Variants in CAMK1D observed in about 807,000 individuals in gnomAD.
CAMK1D encodes calcium/calmodulin dependent protein kinase ID.
In CAMK1D, 9 loss-of-function variants were observed where a neutral mutation model predicts 47.7. That is an observed-to-expected ratio of 0.19 (90% confidence interval 0.11 to 0.33). The LOEUF (loss-of-function observed/expected upper bound fraction) is 0.33. CAMK1D is among the 10% of genes least tolerant of loss of function. CAMK1D has a pLI of 1.00. For synonymous variants in CAMK1D, 184 were observed against 184.9 expected (o/e 0.99, Z 0.04); for missense variants, 291 against 488.7 (o/e 0.60, Z 3.81).
chr10:12,563,700 G>GA (rs1564414542), intron 2 of CAMK1D, among the ~76,000 whole-genome samples: 1,213 of 85,118 alleles, frequency 0.014, 9 homozygotes, highest in South Asian at 0.03. Flanking sequence ...AGAGAGAGAG[G>GA]GAGAGAGAGG....
chr10:12,774,808 C>T (rs541172191), intron 5 of CAMK1D, among the ~76,000 whole-genome samples: 60 of 152,350 alleles, frequency 3.9e-4, no homozygotes, highest in Non-Finnish European at 7.3e-4. Context: ...ATTTAGGTTG[C>T]GCGCTCCTTT....
chr10:12,580,597 A>G (rs1444859579), intron 2 of CAMK1D, among the ~76,000 whole-genome samples: 1 of 152,172 alleles, frequency 6.6e-6, no homozygotes, highest in Non-Finnish European at 1.5e-5. Flanking sequence ...AATGGAATGT[A>G]AATCATAAAA....
chr10:12,471,100 T>C (rs1341274283), intron 1 of CAMK1D, among the ~76,000 whole-genome samples: 1 of 152,202 alleles, frequency 6.6e-6, no homozygotes, highest in East Asian at 1.9e-4. Context: ...TAGTTCTACT[T>C]TCTTGTGTGC....
At chr10:12,648,787 C>T (rs1335220775) in intron 2 of CAMK1D, among the ~76,000 whole-genome samples, 1 of 152,144 alleles carries the variant, frequency 6.6e-6, no homozygotes, top group African/African-American at 2.4e-5. Flanking sequence ...TTTATTTAAT[C>T]TTCACTTCAA....
intron 1 of CAMK1D, among the ~76,000 whole-genome samples, chr10:12,487,075 C>T (rs895820679): frequency 3.3e-5 from 5 of 152,148 alleles, no homozygotes; most frequent in African/African-American, 1.2e-4. Context: ...TATAGGTAAA[C>T]TCATGTCATG....
intron 2 of CAMK1D, among the ~76,000 whole-genome samples, chr10:12,580,444 C>T (rs1056841460): frequency 1.3e-5 from 2 of 150,022 alleles, no homozygotes; most frequent in Admixed American, 1.3e-4. Context: ...AAGCTAGTGA[C>T]TCTGCAATTG....
At chr10:12,614,809 C>T (rs1187583764) in intron 2 of CAMK1D, among the ~76,000 whole-genome samples, 2 of 152,172 alleles carry the variant, frequency 1.3e-5, no homozygotes, top group Admixed American at 1.3e-4. Flanking sequence ...TACTGGGAAT[C>T]GGATGTGTCT....
chr10:12,635,045 C>T (rs542963197), intron 2 of CAMK1D, among the ~76,000 whole-genome samples: 22 of 152,070 alleles, frequency 1.4e-4, no homozygotes, highest in South Asian at 4.2e-4. Context: ...TTTGATGGGG[C>T]GTATGTTGGA....
intron 1 of CAMK1D, among the ~76,000 whole-genome samples, chr10:12,374,936 C>A (rs1031864819): frequency 7.9e-6 from 1 of 126,652 alleles, no homozygotes; most frequent in African/African-American, 3.0e-5. Flanking sequence ...GGGTAAGACT[C>A]CGTCTCAAAA....
chr10:12,773,712 G>A (rs989352925), intron 5 of CAMK1D, among the ~76,000 whole-genome samples: 1 of 152,146 alleles, frequency 6.6e-6, no homozygotes, highest in African/African-American at 2.4e-5. Flanking sequence ...GGCCAATATG[G>A]TGAAACCCTG....
At chr10:12,808,707 G>A (rs1010968943) in intron 6 of CAMK1D, among the ~76,000 whole-genome samples, 2 of 152,138 alleles carry the variant, frequency 1.3e-5, no homozygotes, top group African/African-American at 4.8e-5. Flanking sequence ...GAACCCAGGA[G>A]GTGGAGGTTT....
intron 1 of CAMK1D, among the ~76,000 whole-genome samples, chr10:12,427,628 T>A (rs949296422): frequency 4.0e-5 from 6 of 151,736 alleles, no homozygotes; most frequent in African/African-American, 1.5e-4. Context: ...CTCCTTCATT[T>A]GGTTTCAAGC....
At chr10:12,528,823 C>T (rs898049202) in intron 1 of CAMK1D, among the ~76,000 whole-genome samples, 3 of 151,404 alleles carry the variant, frequency 2.0e-5, no homozygotes, top group Non-Finnish European at 4.4e-5. Flanking sequence ...CTCATTGCAG[C>T]CTCAAACTCC....
At chr10:12,455,502 C>T (rs896316560) in intron 1 of CAMK1D, among the ~76,000 whole-genome samples, 2 of 152,174 alleles carry the variant, frequency 1.3e-5, no homozygotes, top group African/African-American at 4.8e-5. Flanking sequence ...CTGTTGTCAC[C>T]TTAGATTAGT....
intron 1 of CAMK1D, among the ~76,000 whole-genome samples, chr10:12,480,802 A>G (rs990417033): frequency 6.4e-4 from 98 of 152,246 alleles, no homozygotes; most frequent in African/African-American, 2.3e-3. Context: ...TTGATGTTTA[A>G]TAAGTGCACA....
chr10:12,588,652 A>C (rs907263312), intron 2 of CAMK1D, among the ~76,000 whole-genome samples: 1 of 152,120 alleles, frequency 6.6e-6, no homozygotes, highest in Non-Finnish European at 1.5e-5. Flanking sequence ...AGGAAGGAGT[A>C]GAGGGCGGAA....
intron 3 of CAMK1D, among the ~76,000 whole-genome samples, chr10:12,724,098 C>T (rs1488755510): frequency 4.6e-5 from 7 of 152,294 alleles, no homozygotes; most frequent in East Asian, 1.9e-4. Context: ...AAGCAATTCT[C>T]GTGCCTCGGC....
chr10:12,556,020 G>A (rs561025671), intron 2 of CAMK1D, among the ~76,000 whole-genome samples: 1 of 152,150 alleles, frequency 6.6e-6, no homozygotes, highest in African/African-American at 2.4e-5. Context: ...AACTTGTTTT[G>A]ATAGTTGTTC....
intron 5 of CAMK1D, among the ~76,000 whole-genome samples, chr10:12,788,475 C>T (rs1837831626): frequency 6.6e-6 from 1 of 152,248 alleles, no homozygotes; most frequent in Admixed American, 6.5e-5. Flanking sequence ...TCCCTCCCAA[C>T]ACACGCTGTC....
Sources: allele counts gnomAD v4.1 joint callset (sites outside exome capture counted in the v4.1 genomes callset), GRCh38; gene constraint gnomAD v4.1.1; transcripts MANE v1.5; gene names NCBI Gene and HGNC (gene_info 2026-07-23, HGNC 2026-07-21).